MRPS28: variants seen among roughly 807,000 people sequenced by gnomAD.
The protein encoded by MRPS28 is small ribosomal subunit protein bS1m.
In MRPS28, 7 loss-of-function variants were observed where a neutral mutation model predicts 10.8. The ratio of observed to expected loss-of-function variants is 0.65; its 90% CI spans 0.37 to 1.22. MRPS28 has a LOEUF of 1.22. Ranked by LOEUF, MRPS28 falls within the 50% of genes most tolerant of loss-of-function variation. The pLI, the probability that MRPS28 is intolerant of heterozygous loss-of-function variation, is 0.02. For synonymous variants in MRPS28, 121 were observed against 93.3 expected (o/e 1.30, Z -1.71); for missense variants, 265 against 232.9 (o/e 1.14, Z -0.90).
intron 1 of MRPS28, among the ~76,000 whole-genome samples, chr8:80,018,657 A>G (rs1809270972): frequency 6.6e-6 from 1 of 152,216 alleles, no homozygotes; most frequent in Admixed American, 6.5e-5. Flanking sequence ...TTTATACCCC[A>G]AAGAAAGGAA....
chr8:79,970,803 C>T (rs761658633), intron 2 of MRPS28, among the ~76,000 whole-genome samples: 2 of 151,874 alleles, frequency 1.3e-5, no homozygotes, highest in Non-Finnish European at 2.9e-5. Flanking sequence ...ACATACATTG[C>T]TATAAATAAA....
At chr8:79,997,503 G>A (rs1378098590) in intron 2 of MRPS28, among the ~76,000 whole-genome samples, 3 of 151,622 alleles carry the variant, frequency 2.0e-5, no homozygotes, top group Non-Finnish European at 4.4e-5. Context: ...TACCTTTCAC[G>A]TTTTTATAAT....
chr8:79,984,924 C>G (rs1320489923), intron 2 of MRPS28, among the ~76,000 whole-genome samples: 1 of 152,130 alleles, frequency 6.6e-6, no homozygotes, highest in Admixed American at 6.5e-5. Flanking sequence ...ACCACGCGGA[C>G]CTAATACACA....
At chr8:79,987,126 G>C (rs369844018) in intron 2 of MRPS28, among the ~76,000 whole-genome samples, 1 of 151,706 alleles carries the variant, frequency 6.6e-6, no homozygotes, top group Admixed American at 6.6e-5. Context: ...ACGCCGCATA[G>C]CTACAACTAT....
At chr8:79,956,024 T>G (rs1807198675) in intron 2 of MRPS28, among the ~76,000 whole-genome samples, 3 of 152,206 alleles carry the variant, frequency 2.0e-5, no homozygotes, top group Admixed American at 2.0e-4. Flanking sequence ...GTCAAAGTTC[T>G]CTGGACCTTA....
At chr8:79,963,871 G>T (rs1365897521) in intron 2 of MRPS28, among the ~76,000 whole-genome samples, 1 of 152,030 alleles carries the variant, frequency 6.6e-6, no homozygotes, top group Non-Finnish European at 1.5e-5. Flanking sequence ...CACATGACAG[G>T]TCAAGTGAGA....
intron 2 of MRPS28, among the ~76,000 whole-genome samples, chr8:79,978,717 AAAAT>A (rs1319767683): frequency 1.3e-5 from 2 of 152,312 alleles, no homozygotes; most frequent in South Asian, 2.1e-4. Context: ...AAAACAAAAC[AAAAT>A]AAATAAATAA....
In MRPS28 at chr8:80,003,060, G is replaced by T; in HGVS notation, c.334C>A (p.Leu112Met). The part of the protein sequence containing the change: ...GRIFHIVEND[L>M]YIDFGGKFHC... The stretch of plus-strand genomic sequence containing the variant: ...AACTTTCCACCAAAATCTATGTACA[G>T]ATCATTCTCCACAATATGAAAGATC... Residue 112 changes from leucine to methionine, a missense_variant, in exon 2 of 3, where the codon CTG (leucine) becomes ATG (methionine). Transcript: ENST00000276585. 1.2e-6 allele frequency: 2 copies of T among 1,612,980 alleles called. No individual in the cohort carries two copies. Among genetic ancestry groups the T allele is most frequent in the Non-Finnish European group, 1.7e-6 (2 of 1,179,692 alleles).
chr8:79,991,640 T>C (rs531749816), intron 2 of MRPS28, among the ~76,000 whole-genome samples: 1 of 152,362 alleles, frequency 6.6e-6, no homozygotes, highest in East Asian at 1.9e-4. Context: ...GAAAGATGTT[T>C]CCATTTTCTT....
At chr8:79,948,108 C>G (rs1197796919) in intron 2 of MRPS28, among the ~76,000 whole-genome samples, 1 of 151,714 alleles carries the variant, frequency 6.6e-6, no homozygotes, top group Admixed American at 6.6e-5. Context: ...CTGCCTCGGC[C>G]TCCTGAGCAG....
chr8:79,924,011 ATC>A (rs1463568455), intron 2 of MRPS28, among the ~76,000 whole-genome samples: 1 of 152,192 alleles, frequency 6.6e-6, no homozygotes, highest in Non-Finnish European at 1.5e-5. Context: ...AATAGAGAGA[ATC>A]TCTCTGACTA....
At chr8:79,943,285 T>C (rs1806817642) in intron 2 of MRPS28, among the ~76,000 whole-genome samples, 1 of 152,256 alleles carries the variant, frequency 6.6e-6, no homozygotes, top group African/African-American at 2.4e-5. Context: ...CAGAGTATGC[T>C]ATGTGACAAT....
At position 80,006,357 on chromosome 8, in the gene MRPS28, G is replaced by A. The variant is rs185649965; in HGVS notation, c.214-3177C>T. Among the ~76,000 whole-genome samples, 860 of 152,256 alleles carry A rather than the reference G, an allele frequency of 5.6e-3. 9 individuals are homozygous for A. Among genetic ancestry groups the A allele is most frequent in the African/African-American group, 0.02 (823 of 41,538 alleles). ...AAAACCGCTCAACTACATGGAAACT[G>A]AACAACCTGCTCCTGAATGACTACT... On this transcript the variant is annotated intron_variant, in intron 1 of 2. Transcript: ENST00000276585.
intron 2 of MRPS28, among the ~76,000 whole-genome samples, chr8:79,944,688 C>CTT (rs1401670039): frequency 6.2e-5 from 5 of 80,060 alleles, no homozygotes; most frequent in Non-Finnish European, 1.1e-4. Flanking sequence ...CATAATTTTT[C>CTT]TTTTTCTTTT....
chr8:80,025,550 TA>T (rs1235160409), intron 1 of MRPS28, among the ~76,000 whole-genome samples: 2 of 152,172 alleles, frequency 1.3e-5, no homozygotes, highest in Non-Finnish European at 2.9e-5. Context: ...CCTTCCTACT[TA>T]AATAAATTAT....
At chr8:79,995,615 G>A (rs899958385) in intron 2 of MRPS28, among the ~76,000 whole-genome samples, 3 of 152,096 alleles carry the variant, frequency 2.0e-5, no homozygotes, top group Admixed American at 6.6e-5. Flanking sequence ...ACAGGGAGTC[G>A]ACATAGGCAA....
intron 2 of MRPS28, among the ~76,000 whole-genome samples, chr8:79,953,131 G>C (rs763593644): frequency 6.6e-6 from 1 of 152,160 alleles, no homozygotes; most frequent in Non-Finnish European, 1.5e-5. Flanking sequence ...TGCTCTCACA[G>C]TGGAAGACAT....
Position 80,003,070 on chromosome 8 carries a change from C to A in MRPS28, c.324G>T (p.Val108=). Reference sequence around the variant, plus strand: ...CAAAATCTATGTACAGATCATTCTCCACAATATGAAAGATCCGTCCAATGA... The same window carrying A: ...CAAAATCTATGTACAGATCATTCTCAACAATATGAAAGATCCGTCCAATGA... ...KLVIGRIFHI[V]ENDLYIDFGG... The change falls in exon 2 of 3, where the codon GTG becomes GTT. Residue 108 remains valine, a synonymous_variant. Coordinates refer to ENST00000276585, the MANE Select transcript of MRPS28 (RefSeq NM_014018.3). The A allele has an allele frequency of 6.2e-7, 1 of 1,613,426 alleles. No individual in the cohort carries two copies. The highest frequency in any genetic ancestry group is 8.5e-7 in the Non-Finnish European group (1 of 1,179,764).
chr8:80,010,889 C>A (rs1809022149), intron 1 of MRPS28, among the ~76,000 whole-genome samples: 1 of 152,190 alleles, frequency 6.6e-6, no homozygotes, highest in Non-Finnish European at 1.5e-5. Context: ...AGTCAGTAGG[C>A]CTAGAGGCCA....
Sources: gnomAD v4.1 joint callset for allele counts (sites outside exome capture counted in the v4.1 genomes callset) on GRCh38, gnomAD v4.1.1 for gene constraint, MANE v1.5 for transcripts, NCBI Gene and HGNC (gene_info 2026-07-23, HGNC 2026-07-21) for gene names.